The following SLC22A16 variants were observed in gnomAD, a reference collection of about 807,000 sequenced individuals.
The protein encoded by SLC22A16 is solute carrier family 22 member 16.
SLC22A16 carries 53 observed loss-of-function variants against 52.9 expected under a neutral mutation model. The ratio of observed to expected loss-of-function variants is 1.00; its 90% CI spans 0.80 to 1.26. The LOEUF is 1.26. Ranked by LOEUF, SLC22A16 falls within the 50% of genes most tolerant of loss-of-function variation. The probability of loss-of-function intolerance (pLI) is 0.00; values close to 1 mark genes in which losing one functional copy is unlikely to be tolerated. For missense variants in SLC22A16, 726 were observed against 704.0 expected (o/e 1.03, Z -0.35); for synonymous variants, 291 against 268.8 (o/e 1.08, Z -0.81).
At chr6:110,455,067 T>C (rs117668856) in intron 2 of SLC22A16, among the ~76,000 whole-genome samples, 9,425 of 134,682 alleles carry the variant, frequency 0.07, 397 homozygotes, top group South Asian at 0.11. Context: ...TATATATATA[T>C]ACACACACAT....
intron 6 of SLC22A16, among the ~76,000 whole-genome samples, chr6:110,432,892 C>T (rs1774562474): frequency 6.6e-6 from 1 of 152,098 alleles, no homozygotes; most frequent in African/African-American, 2.4e-5. Flanking sequence ...CAACTTATCC[C>T]CCGCTAATGT....
intron 5 of SLC22A16, among the ~76,000 whole-genome samples, chr6:110,438,041 G>A (rs1399240135): frequency 6.6e-6 from 1 of 152,012 alleles, no homozygotes; most frequent in African/African-American, 2.4e-5. Flanking sequence ...CTGATTACAT[G>A]TCGCCTCCTC....
chr6:110,431,333 T>G (rs113263458), intron 6 of SLC22A16, 63 bp from the exon 7 acceptor site: 1 of 1,395,632 alleles, frequency 7.2e-7, no homozygotes, highest in African/African-American at 1.4e-5. Flanking sequence ...TTGAGGGACC[T>G]GCTTCCTGCA....
At chr6:110,468,645 C>CAA (rs769660816) in intron 1 of SLC22A16, among the ~76,000 whole-genome samples, 1,036 of 86,804 alleles carry the variant, frequency 0.012, 8 homozygotes, top group African/African-American at 0.019. Context: ...GGCTCTGTCT[C>CAA]AAAAAAAAAA....
intron 2 of SLC22A16, among the ~76,000 whole-genome samples, chr6:110,450,072 C>A (rs1775316149): frequency 6.6e-6 from 1 of 152,086 alleles, no homozygotes; most frequent in Non-Finnish European, 1.5e-5. Flanking sequence ...AGCAAAAATT[C>A]AGAAACAGTG....
chr6:110,442,275 T>C lies in SLC22A16; in HGVS notation c.1152A>G (p.Gly384=). The C allele has an allele frequency of 3.1e-6, 5 of 1,614,136 alleles. No individual in the cohort carries two copies. The highest frequency in any genetic ancestry group is 4.2e-6 in the Non-Finnish European group (5 of 1,180,022). Residue 384 remains glycine, a synonymous_variant, in exon 4 of 8, where the codon GGA becomes GGG. Transcript: ENST00000368919. The part of the protein sequence containing the change: ...YSFSLNSVNL[G]GNEYLNLFLL... ...GGAAGAGGTTTAAGTATTCATTGCC[T>C]CCTAAGTTAACAGAATTCAAGGAAA...
intron 1 of SLC22A16, among the ~76,000 whole-genome samples, chr6:110,460,479 A>C (rs1472111806): frequency 6.6e-6 from 1 of 151,882 alleles, no homozygotes; most frequent in Non-Finnish European, 1.5e-5. Context: ...GAAAGGGTGG[A>C]TAGGGGTGCA....
chr6:110,431,618 G>A (rs1300034987), intron 6 of SLC22A16, among the ~76,000 whole-genome samples: 1 of 152,124 alleles, frequency 6.6e-6, no homozygotes, highest in Admixed American at 6.5e-5. Context: ...CTAGGTTTGT[G>A]TAAGTTCACT....
At position 110,424,826 on chromosome 6, in the gene SLC22A16, A is replaced by G. The variant is rs1299195584; in HGVS notation, c.*47T>C. The G allele has an allele frequency of 6.2e-7, 1 of 1,608,828 alleles. No individual in the cohort carries two copies. The highest frequency in any genetic ancestry group is 8.5e-7 in the Non-Finnish European group (1 of 1,176,030). ...AATAAGATTCCTCTAATACAAAGGCATTAGGGTAAATAATATTTCAGGTGC... is the reference window on the plus strand; with the variant it reads ...AATAAGATTCCTCTAATACAAAGGCGTTAGGGTAAATAATATTTCAGGTGC... On this transcript the variant is annotated 3_prime_UTR_variant, in exon 8 of 8. Coordinates refer to ENST00000368919, the MANE Select transcript of SLC22A16 (RefSeq NM_033125.4).
Position 110,446,995 on chromosome 6 carries a change from A to C in SLC22A16, c.534-5T>G. On this transcript the variant is annotated splice_region_variant and splice_polypyrimidine_tract_variant and intron_variant, in intron 2 of 7. Coordinates refer to ENST00000368919, the MANE Select transcript of SLC22A16 (RefSeq NM_033125.4). ...AAGACCACCCGGCGTCCTAGCCTGA[A>C]AAATAAGAGTCACACAGTGGAAGAG... The C allele has an allele frequency of 6.2e-7, 1 of 1,609,490 alleles. No individual in the cohort carries two copies. The highest frequency in any genetic ancestry group is 8.5e-7 in the Non-Finnish European group (1 of 1,177,892).
At chr6:110,431,377 G>T (rs1283047527) in intron 6 of SLC22A16, 107 bp from the exon 7 acceptor site, 5 of 939,780 alleles carry the variant, frequency 5.3e-6, no homozygotes, top group Non-Finnish European at 8.3e-6. Flanking sequence ...AAGGATAAGG[G>T]TGGTCAGGCA....
chr6:110,467,365 A>G (rs1209886928), intron 1 of SLC22A16, among the ~76,000 whole-genome samples: 1 of 152,138 alleles, frequency 6.6e-6, no homozygotes, highest in Non-Finnish European at 1.5e-5. Context: ...TATGCAGCTG[A>G]AGTACCATTC....
chr6:110,472,786 A>G (rs1776304693), intron 1 of SLC22A16, among the ~76,000 whole-genome samples: 1 of 152,218 alleles, frequency 6.6e-6, no homozygotes, highest in Non-Finnish European at 1.5e-5. Context: ...TGACACTCTA[A>G]TGGAAAAATA....
Position 110,465,374 on chromosome 6 carries a change from T to C in SLC22A16, c.54-8357A>G, listed in dbSNP as rs1050929877. The stretch of plus-strand genomic sequence containing the variant: ...AAATTATCTCTGTTCCCTGATAACA[T>C]GATCTTATACCTAGAAAAATCCTAA... On this transcript the variant is annotated intron_variant, in intron 1 of 7. Coordinates refer to ENST00000368919, the MANE Select transcript of SLC22A16 (RefSeq NM_033125.4). Among the ~76,000 whole-genome samples the C allele has an allele frequency of 6.6e-5, 10 of 152,102 alleles. No homozygotes were observed. In the East Asian group the frequency reaches 1.9e-3, roughly 29 times the overall value.
Position 110,435,911 on chromosome 6 carries a change from G to C in SLC22A16, c.1362C>G (p.Ile454Met). The change falls in exon 6 of 8, where the codon ATC becomes ATG. Residue 454 changes from isoleucine to methionine, a missense_variant. Transcript: ENST00000368919. ...VVTAMVGKFAIGAAFGLIYLY... is the reference protein window; with the variant it reads ...VVTAMVGKFAMGAAFGLIYLY... ...GATAAATGAGGCCAAATGCTGCCCC[G>C]ATGGCAAATTTTCCAACCATAGCTG... The C allele has an allele frequency of 6.2e-7, 1 of 1,613,962 alleles. No individual in the cohort carries two copies. The highest frequency in any genetic ancestry group is 8.5e-7 in the Non-Finnish European group (1 of 1,179,934).
intron 1 of SLC22A16, among the ~76,000 whole-genome samples, chr6:110,467,188 G>A (rs895239282): frequency 1.3e-5 from 2 of 151,542 alleles, no homozygotes; most frequent in African/African-American, 2.4e-5. Flanking sequence ...CTCTCTCTGC[G>A]TTTTTTTTCC....
rs1201050424 is a variant in SLC22A16 at position 110,438,752 on chromosome 6, G to A, written c.1279C>T (p.Leu427=). The change falls in exon 5 of 8, where the codon CTG becomes TTG. Residue 427 remains leucine (L), a synonymous_variant. Transcript: ENST00000368919. ...VLAYSLFCSA[L]ACGVVMVIPQ... is the part of the protein sequence containing the mutation. ...ATCACCATAACGACACCACAGGCCA[G>A]TGCACTGCAGAAAAGAGAGTAGGCC... 6.2e-7 allele frequency: 1 copy of A among 1,614,080 alleles called. No individual in the cohort carries two copies. The highest frequency in any genetic ancestry group is 8.5e-7 in the Non-Finnish European group (1 of 1,179,988).
At chr6:110,454,595 T>A (rs1486948056) in intron 2 of SLC22A16, among the ~76,000 whole-genome samples, 2 of 97,720 alleles carry the variant, frequency 2.0e-5, no homozygotes, top group South Asian at 5.2e-4. Context: ...TAATATATAT[T>A]TATATATATT....
chr6:110,473,932 C>T lies in SLC22A16; in HGVS notation c.53+2590G>A, dbSNP rs564541055. Among the ~76,000 whole-genome samples the T allele has an allele frequency of 1.2e-3, 183 of 152,110 alleles. 1 individual carries two copies. Among genetic ancestry groups the T allele is most frequent in the Non-Finnish European group, 3.5e-4 (24 of 68,002 alleles). On this transcript the variant is annotated intron_variant, in intron 1 of 7. Transcript: ENST00000368919. Reference sequence around the variant, plus strand: ...CTCTACTGTAGGGGTCCCAAAGCCCCAGGCCATAGACCAGACTGGTCCATG... The same window carrying T: ...CTCTACTGTAGGGGTCCCAAAGCCCTAGGCCATAGACCAGACTGGTCCATG...
Sources: allele counts gnomAD v4.1 joint callset (sites outside exome capture counted in the v4.1 genomes callset), GRCh38; gene constraint gnomAD v4.1.1; transcripts MANE v1.5; gene names NCBI Gene and HGNC (gene_info 2026-07-23, HGNC 2026-07-21).